The following PAX2 variants were observed in gnomAD, a reference collection of about 807,000 sequenced individuals.
PAX2 encodes paired box 2.
Under a neutral mutation model 41.7 loss-of-function variants are expected in PAX2, and 9 were observed. That is an observed-to-expected ratio of 0.22 (90% CI 0.13 to 0.38). The LOEUF (loss-of-function observed/expected upper bound fraction) is 0.38, where lower values mean the gene tolerates loss of function less well. Among genes scored for constraint, PAX2 ranks in the 10% least tolerant of loss-of-function variants. The pLI, the probability that PAX2 is intolerant of heterozygous loss-of-function variation, is 1.00. For synonymous variants in PAX2, 221 were observed against 212.7 expected (o/e 1.04, Z -0.34); for missense variants, 418 against 531.6 (o/e 0.79, Z 2.10).
exon 1 of PAX2, chr10:100,735,561 C>A: frequency 1.7e-6 from 1 of 581,656 alleles, no homozygotes; most frequent in Non-Finnish European, 2.3e-6. Flanking sequence ...CGGCGGGCGG[C>A]TCGGGTTATC....
chr10:100,799,121 C>T lies in PAX2; in HGVS notation c.617-7309C>T, dbSNP rs529345793. On this transcript the variant is annotated intron_variant, in intron 5 of 9. Coordinates refer to ENST00000355243, the MANE Select transcript of PAX2 (RefSeq NM_000278.5). ...GTGGAGTAGCTAGGCAGAGAGAGCA[C>T]CTTCTGAGCAGAGGCCACCATCAGA... Among the ~76,000 whole-genome samples, 107 of 152,342 alleles carry T rather than the reference C, an allele frequency of 7.0e-4. 1 individual carries two copies. Among genetic ancestry groups the T allele is most frequent in the African/African-American group, 2.4e-3 (99 of 41,576 alleles).
chr10:100,812,174 C>G lies in PAX2; in HGVS notation c.919+2938C>G, dbSNP rs3781372. Among the ~76,000 whole-genome samples the G allele has an allele frequency of 2.4e-4, 37 of 152,338 alleles. No individual in the cohort carries two copies. In the East Asian group the frequency reaches 3.5e-3, roughly 14 times the overall value. ...CCCTCCCCACCTTCCATCAGGGAACCGAGGAGAGAGACTGATTTTGCTGGG... is the reference window on the plus strand; with the variant it reads ...CCCTCCCCACCTTCCATCAGGGAACGGAGGAGAGAGACTGATTTTGCTGGG... On this transcript the variant is annotated intron_variant, in intron 7 of 9. Coordinates refer to ENST00000355243, the MANE Select transcript of PAX2 (RefSeq NM_000278.5).
chr10:100,800,081 C>T (rs117284422), intron 5 of PAX2, among the ~76,000 whole-genome samples: 9,336 of 151,948 alleles, frequency 0.061, 427 homozygotes, highest in Middle Eastern at 0.092. Context: ...CCACCGCGCC[C>T]GGCCAAAGTT....
intron 3 of PAX2, among the ~76,000 whole-genome samples, chr10:100,759,744 A>T (rs1192692317): frequency 6.6e-6 from 1 of 152,130 alleles, no homozygotes; most frequent in East Asian, 1.9e-4. Flanking sequence ...AAGAAATCAG[A>T]GAGGAAGGAT....
intron 5 of PAX2, among the ~76,000 whole-genome samples, chr10:100,786,718 G>A (rs1289831549): frequency 6.6e-6 from 1 of 152,166 alleles, no homozygotes; most frequent in Admixed American, 6.5e-5. Flanking sequence ...ACCTTCTGCT[G>A]ATAAAGGGAG....
intron 1 of PAX2, among the ~76,000 whole-genome samples, chr10:100,739,271 C>A (rs1415647470): frequency 6.6e-6 from 1 of 152,200 alleles, no homozygotes; most frequent in Non-Finnish European, 1.5e-5. Context: ...CCCCTGCGTT[C>A]GGGTCCTTTG....
rs1006831973 is a variant in PAX2, at chr10:100,813,170, C to T, written c.919+3934C>T. Among the ~76,000 whole-genome samples, 9 of 152,208 alleles carry T rather than the reference C, an allele frequency of 5.9e-5. No individual in the cohort carries two copies. In the East Asian group the frequency reaches 1.5e-3, roughly 26 times the overall value. The stretch of plus-strand genomic sequence containing the variant: ...TCGCTCTAGAAGCTAGGGAAAGCAC[C>T]AGTCCCTGGAGCCACTGCACCCACA... On this transcript the variant is annotated intron_variant, in intron 7 of 9. Coordinates refer to ENST00000355243, the MANE Select transcript of PAX2 (RefSeq NM_000278.5).
intron 5 of PAX2, 92 bp from the exon 6 acceptor site, chr10:100,806,338 C>T (rs2133950018): frequency 7.4e-7 from 1 of 1,351,174 alleles, no homozygotes; most frequent in Non-Finnish European, 1.1e-6. Flanking sequence ...AGCTCCTGGG[C>T]CCGGAACCAG....
intron 4 of PAX2, among the ~76,000 whole-genome samples, chr10:100,781,001 G>A (rs1053458085): frequency 7.5e-6 from 1 of 133,914 alleles, no homozygotes; most frequent in African/African-American, 3.5e-5. Flanking sequence ...CTGCAGAGAA[G>A]GCCTGGGGTT....
At chr10:100,780,498 A>G (rs1158839207) in intron 4 of PAX2, among the ~76,000 whole-genome samples, 1 of 151,484 alleles carries the variant, frequency 6.6e-6, no homozygotes, top group East Asian at 1.9e-4. Context: ...AGGAGTTGGC[A>G]GGAGCTGTTG....
At chr10:100,815,581 A>G (rs771241868) in intron 7 of PAX2, among the ~76,000 whole-genome samples, 11 of 152,186 alleles carry the variant, frequency 7.2e-5, no homozygotes, top group Non-Finnish European at 1.6e-4. Context: ...GCTCTGATTT[A>G]ATTATGGGGG....
intron 3 of PAX2, among the ~76,000 whole-genome samples, chr10:100,774,636 T>G (rs1303662698): frequency 6.6e-6 from 1 of 152,132 alleles, no homozygotes; most frequent in African/African-American, 2.4e-5. Context: ...ATAATAATAC[T>G]GGTCATCATT....
Position 100,746,161 on chromosome 10 carries a change from C to T in PAX2, c.-100C>T. On this transcript the variant is annotated 5_prime_UTR_variant, in exon 1 of 10. Coordinates refer to ENST00000355243, the MANE Select transcript of PAX2 (RefSeq NM_000278.5). ...GCAGCCGGGCGTTCACTCATCCTCCCTCCCCCACCGTCCCTCCCTTTTCTC... is the reference window on the plus strand; with the variant it reads ...GCAGCCGGGCGTTCACTCATCCTCCTTCCCCCACCGTCCCTCCCTTTTCTC... 1.2e-6 allele frequency: 2 copies of T among 1,603,680 alleles called. No individual in the cohort carries two copies. Among genetic ancestry groups the T allele is most frequent in the Admixed American group, 1.7e-5 (1 of 59,988 alleles).
chr10:100,807,515 T>C (rs1847835542), intron 6 of PAX2, among the ~76,000 whole-genome samples: 1 of 150,516 alleles, frequency 6.6e-6, no homozygotes, highest in African/African-American at 2.5e-5. Context: ...CAGCCCACGG[T>C]ACTGTGCTCA....
intron 3 of PAX2, among the ~76,000 whole-genome samples, chr10:100,757,921 G>C (rs2133851591): frequency 6.6e-6 from 1 of 152,270 alleles, no homozygotes; most frequent in Admixed American, 6.5e-5. Context: ...TGTAGGCTGG[G>C]AACTCTCAGG....
At chr10:100,758,580 A>G (rs1010996698) in intron 3 of PAX2, among the ~76,000 whole-genome samples, 1 of 152,254 alleles carries the variant, frequency 6.6e-6, no homozygotes, top group Non-Finnish European at 1.5e-5. Flanking sequence ...TCATGAGCAC[A>G]AAAGACTCCC....
At chr10:100,825,120 G>T (rs1848504791) in intron 8 of PAX2, 2 of 769,710 alleles carry the variant, frequency 2.6e-6, no homozygotes, top group Non-Finnish European at 4.5e-6. Flanking sequence ...TGGTTTCCAT[G>T]GAAACTTGGA....
chr10:100,763,658 C>T (rs957392578), intron 3 of PAX2, among the ~76,000 whole-genome samples: 1 of 152,148 alleles, frequency 6.6e-6, no homozygotes, highest in African/African-American at 2.4e-5. Context: ...GTCCATTTTG[C>T]CATTTTAAGG....
chr10:100,827,783 C>A lies in PAX2; in HGVS notation c.*164C>A. On this transcript the variant is annotated 3_prime_UTR_variant, in exon 10 of 10. Coordinates refer to ENST00000355243, the MANE Select transcript of PAX2 (RefSeq NM_000278.5). This position sits in a 1 kb window ranked among gnomAD's most constrained non-coding sequence, Gnocchi z 8.5. ...CGACCCCCGCAACCCTTCACATCAC[C>A]CCCCTCGAAGGTCGGACAGGACGGG... 1 of 1,057,918 alleles carries A rather than the reference C, an allele frequency of 9.5e-7. No homozygotes were observed. The highest frequency in any genetic ancestry group is 2.6e-5 in the East Asian group (1 of 38,944). The allele number at this position is 1,057,918 out of a possible 1,614,324, so 65.5% of individuals were successfully genotyped here.
Sources: allele counts gnomAD v4.1 joint callset (sites outside exome capture counted in the v4.1 genomes callset), GRCh38; gene constraint gnomAD v4.1.1; non-coding constraint Gnocchi (gnomAD v3.1); transcripts MANE v1.5; gene names NCBI Gene and HGNC (gene_info 2026-07-23, HGNC 2026-07-21).